The following SCN1A variants were observed in gnomAD, a reference collection of about 807,000 sequenced individuals.
SCN1A encodes sodium voltage-gated channel alpha subunit 1.
In SCN1A, 13 loss-of-function variants were observed where a neutral mutation model predicts 193.7. The observed-to-expected ratio is 0.07, with a 90% CI of 0.04 to 0.11. The LOEUF is 0.11. SCN1A is among the 10% of genes least tolerant of loss of function. The pLI, the probability that SCN1A is intolerant of heterozygous loss-of-function variation, is 1.00. For synonymous variants in SCN1A, 781 were observed against 843.6 expected (o/e 0.93, Z 1.29); for missense variants, 1,432 against 2,451.1 (o/e 0.58, Z 8.78).
chr2:166,034,065 A>T (rs1211611498), intron 19 of SCN1A, among the ~76,000 whole-genome samples: 2 of 151,892 alleles, frequency 1.3e-5, no homozygotes, highest in Non-Finnish European at 2.9e-5. Context: ...TAATATCCAA[A>T]TTAAAATTTC....
chr2:166,083,809 G>A (rs1685788494), intron 2 of SCN1A, among the ~76,000 whole-genome samples: 1 of 152,144 alleles, frequency 6.6e-6, no homozygotes, highest in African/African-American at 2.4e-5. Context: ...AATGTCATTA[G>A]TTTATATCAA....
At chr2:165,999,915 G>A in intron 24 of SCN1A, 139 bp from the exon 25 acceptor site, 1 of 743,256 alleles carries the variant, frequency 1.3e-6, no homozygotes, top group East Asian at 2.7e-5. Flanking sequence ...CACAGATTTT[G>A]GACCAAGACA....
intron 2 of SCN1A, among the ~76,000 whole-genome samples, chr2:166,113,518 T>C (rs1011310487): frequency 1.3e-5 from 2 of 151,994 alleles, no homozygotes. Flanking sequence ...AAATGTTTCC[T>C]GTCATTTGTC....
chr2:166,006,729 C>T (rs1477113532), intron 23 of SCN1A, among the ~76,000 whole-genome samples: 1 of 151,274 alleles, frequency 6.6e-6, no homozygotes, highest in African/African-American at 2.4e-5. Context: ...CAATCAATAC[C>T]AGTCTTATGA....
At position 166,044,009 on chromosome 2, in the gene SCN1A, C is replaced by T. The variant is rs794727025; in HGVS notation, c.1703G>A (p.Arg568Gln). ...GCTGAAAAGGCTTGTTCTGCTATTT[C>T]GCCTTGGTGAAAATAGGGAGCCACG... is the stretch of plus-strand genomic sequence containing the variant. ...SIRGSLFSPR[R>Q]NSRTSLFSFR... is the part of the protein sequence containing the mutation. The change falls in exon 14 of 29, where the codon CGA becomes CAA. Residue 568 changes from arginine to glutamine, a missense_variant. Physicochemically the swap from Arg to Gln is conservative, Grantham distance 43. Around this residue, in one of 18 missense-constraint regions of SCN1A, gnomAD observed 316 missense variants for 362.1 expected, o/e 0.87. Transcript: ENST00000674923. The T allele has an allele frequency of 7.4e-6, 12 of 1,614,136 alleles. No individual in the cohort carries two copies. Among genetic ancestry groups the T allele is most frequent in the East Asian group, 4.5e-5 (2 of 44,880 alleles).
chr2:166,117,276 C>T (rs765281939), intron 2 of SCN1A, among the ~76,000 whole-genome samples: 12 of 152,166 alleles, frequency 7.9e-5, no homozygotes, highest in Non-Finnish European at 1.8e-4. Context: ...CTTAAGACAA[C>T]CAGCATTATT....
intron 23 of SCN1A, among the ~76,000 whole-genome samples, chr2:166,004,673 G>A (rs1691409219): frequency 6.6e-6 from 1 of 151,406 alleles, no homozygotes; most frequent in Admixed American, 6.6e-5. Context: ...TATATTTCCA[G>A]TTTTAACTTC....
chr2:166,064,622 G>C lies in SCN1A; in HGVS notation c.265-5934C>G, dbSNP rs942850748. 6.6e-5 allele frequency among the ~76,000 whole-genome samples: 10 copies of C among 152,088 alleles called. No individual in the cohort carries two copies. The South Asian group carries it at 1.9e-3, about 28-fold the overall frequency. On this transcript the variant is annotated intron_variant, in intron 4 of 28. Coordinates refer to ENST00000674923, the MANE Select transcript of SCN1A (RefSeq NM_001165963.4). ...TTGTTTACAATTTTTTCCCAGGATGGACATTGAATTTAACAAGCCATGGTT... is the reference window on the plus strand; with the variant it reads ...TTGTTTACAATTTTTTCCCAGGATGCACATTGAATTTAACAAGCCATGGTT...
intron 23 of SCN1A, among the ~76,000 whole-genome samples, chr2:166,003,640 T>C (rs1691249750): frequency 6.6e-6 from 1 of 151,520 alleles, no homozygotes. Flanking sequence ...TGCTTTTTCC[T>C]CCATACCTCC....
At chr2:166,094,966 T>A (rs1687217352) in intron 2 of SCN1A, among the ~76,000 whole-genome samples, 1 of 152,206 alleles carries the variant, frequency 6.6e-6, no homozygotes, top group African/African-American at 2.4e-5. Flanking sequence ...GCAACATCTA[T>A]TTCACCACTC....
chr2:166,102,511 A>G (rs1193966011), intron 2 of SCN1A, among the ~76,000 whole-genome samples: 3 of 98,932 alleles, frequency 3.0e-5, no homozygotes, highest in Non-Finnish European at 7.6e-5. Flanking sequence ...AAAAAAAAAA[A>G]AAAGAAAAAA....
intron 26 of SCN1A, chr2:165,996,349 C>A (rs910564883): frequency 5.6e-6 from 2 of 358,130 alleles, no homozygotes; most frequent in Admixed American, 4.3e-5. Flanking sequence ...AAGACAAACA[C>A]CCCCAAATCT....
intron 19 of SCN1A, chr2:166,016,776 C>T (rs1693364367): frequency 6.6e-6 from 1 of 151,756 alleles, no homozygotes; most frequent in African/African-American, 2.4e-5. Flanking sequence ...AAATCTAGTA[C>T]AGTATTTTCT....
At chr2:166,110,626 G>T (rs1165138060) in intron 2 of SCN1A, among the ~76,000 whole-genome samples, 1 of 152,184 alleles carries the variant, frequency 6.6e-6, no homozygotes, top group Non-Finnish European at 1.5e-5. Flanking sequence ...AAGGAAAGAA[G>T]CTGCCTCCAT....
At chr2:166,111,472 C>T (rs475725) in intron 2 of SCN1A, among the ~76,000 whole-genome samples, 150,845 of 152,182 alleles carry the variant, frequency 0.99, 74,775 homozygotes, top group Middle Eastern at 1. Flanking sequence ...AAAATATTAC[C>T]GCTGACTGAC....
chr2:165,984,864 T>A (rs1036221598), downstream of SCN1A: 1 of 152,182 alleles, frequency 6.6e-6, no homozygotes, highest in Non-Finnish European at 1.5e-5. Flanking sequence ...ATAATGTTAC[T>A]GGGAAAGTTA....
intron 19 of SCN1A, among the ~76,000 whole-genome samples, chr2:166,026,452 C>T (rs954822842): frequency 3.3e-5 from 5 of 151,976 alleles, no homozygotes; most frequent in African/African-American, 9.7e-5. Context: ...TATGTTAGCA[C>T]ATGAAATACG....
chr2:165,993,044 TCA>T (rs1689475770), intron 28 of SCN1A: 1 of 152,044 alleles, frequency 6.6e-6, no homozygotes, highest in Non-Finnish European at 1.5e-5. Flanking sequence ...CACTGTAATC[TCA>T]GTCTTCTTAT....
chr2:166,090,611 C>A (rs1210044871), intron 2 of SCN1A, among the ~76,000 whole-genome samples: 1 of 152,114 alleles, frequency 6.6e-6, no homozygotes, highest in African/African-American at 2.4e-5. Context: ...CCTTTATTGT[C>A]TTTACCAGTC....
Sources: allele counts gnomAD v4.1 joint callset (sites outside exome capture counted in the v4.1 genomes callset), GRCh38; gene constraint gnomAD v4.1.1; regional missense constraint gnomAD v4.1.1; transcripts MANE v1.5; gene names NCBI Gene and HGNC (gene_info 2026-07-23, HGNC 2026-07-21).